The following MMACHC variants were observed in gnomAD, a reference collection of about 807,000 sequenced individuals.
MMACHC encodes cyanocobalamin reductase / alkylcobalamin dealkylase.
MMACHC carries 14 observed loss-of-function variants against 17.6 expected under a neutral mutation model. The observed-to-expected ratio is 0.80, with a 90% CI of 0.53 to 1.25. MMACHC has a LOEUF of 1.25. Ranked by LOEUF, MMACHC falls within the 50% of genes most tolerant of loss-of-function variation. The pLI is 0.00. For missense variants in MMACHC, 392 were observed against 364.5 expected, an observed-to-expected ratio of 1.08 and a Z score of -0.62; for synonymous variants, 151 against 142.1, an observed-to-expected ratio of 1.06 and a Z score of -0.45.
At position 45,511,147 on chromosome 1, in the gene MMACHC, C is replaced by T. The variant is rs1643735150; in HGVS notation, c.*1932C>T. ...AGCCTGCCCACAACGCCAACTCAGG[C>T]CATTCCTACCAAAGGAAGAAAGGCT... On this transcript the variant is annotated 3_prime_UTR_variant, in exon 4 of 4. Transcript: ENST00000401061. 1 of 563,750 alleles carries T rather than the reference C, an allele frequency of 1.8e-6. No homozygotes were observed. The highest frequency in any genetic ancestry group is 3.1e-6 in the Non-Finnish European group (1 of 319,896). The allele number at this position is 563,750 out of a possible 1,614,324, so 34.9% of individuals were successfully genotyped here. A position where few individuals can be genotyped will look rare whatever the true frequency, so the allele number is the denominator to read the frequency against.
chr1:45,509,281 A>C lies in MMACHC; in HGVS notation c.*66A>C, dbSNP rs1643693419. 1.3e-6 allele frequency: 2 copies of C among 1,575,916 alleles called. No individual in the cohort carries two copies. Among genetic ancestry groups the C allele is most frequent in the Non-Finnish European group, 8.7e-7 (1 of 1,146,304 alleles). ...AGGACTTAATTGGCTTTGGCAAAGCAAAAGGTTTTGAGTACAAGATTACTA... is the reference window on the plus strand; with the variant it reads ...AGGACTTAATTGGCTTTGGCAAAGCCAAAGGTTTTGAGTACAAGATTACTA... On this transcript the variant is annotated 3_prime_UTR_variant, in exon 4 of 4. Coordinates refer to ENST00000401061, the MANE Select transcript of MMACHC (RefSeq NM_015506.3).
intron 1 of MMACHC, among the ~76,000 whole-genome samples, chr1:45,504,596 A>C (rs1325939042): frequency 6.6e-6 from 1 of 151,892 alleles, no homozygotes; most frequent in East Asian, 1.9e-4. Context: ...GTGGTGGCTC[A>C]CACCTGTGGT....
In MMACHC at chr1:45,504,911, C is replaced by T. The variant is rs184665215; in HGVS notation, c.82-2445C>T. Among the ~76,000 whole-genome samples, 97 of 151,292 alleles carry T rather than the reference C, an allele frequency of 6.4e-4. 2 individuals carry two copies. Among genetic ancestry groups the T allele is most frequent in the African/African-American group, 2.2e-3 (92 of 41,190 alleles). ...GGCAGATCAGTTGAGGCCAGGTGTT[C>T]GAGACCAGCCTGGCCAACATGGCAA... On this transcript the variant is annotated intron_variant, in intron 1 of 3. Transcript: ENST00000401061.
Position 45,508,206 on chromosome 1 carries a change from T to C in MMACHC, c.277-6T>C. On this transcript the variant is annotated splice_region_variant and splice_polypyrimidine_tract_variant and intron_variant, in intron 2 of 3. Transcript: ENST00000401061. ...ACAGTACCCTCTATTTTGTCCACTG[T>C]TCCAGAGCCTCCCAGAGCTGCAGAT... The C allele has an allele frequency of 6.2e-7, 1 of 1,614,112 alleles. No homozygotes were observed. Among genetic ancestry groups the C allele is most frequent in the Non-Finnish European group, 8.5e-7 (1 of 1,179,976 alleles).
intron 1 of MMACHC, among the ~76,000 whole-genome samples, chr1:45,505,803 G>A (rs1360163961): frequency 6.6e-6 from 1 of 151,794 alleles, no homozygotes; most frequent in Non-Finnish European, 1.5e-5. Context: ...TCAGGAGGCT[G>A]AGGCAGGGGA....
chr1:45,508,851 GGGTA>G lies in MMACHC; in HGVS notation c.487_490del (p.Val163CysfsTer6). The G allele has an allele frequency of 6.2e-7, 1 of 1,614,148 alleles. No homozygotes were observed. The highest frequency in any genetic ancestry group is 8.5e-7 in the Non-Finnish European group (1 of 1,180,014). On this transcript the variant is annotated frameshift_variant, in exon 4 of 4. Coordinates refer to ENST00000401061, the MANE Select transcript of MMACHC (RefSeq NM_015506.3). LOFTEE classifies it low-confidence loss of function (END_TRUNC). ...TTTGGGGGCTGGTTTGCCATCCGAG[GGGTA>G]GTGCTGCTGCCAGGGATAGAGGTGC...
intron 3 of MMACHC, 72 bp from the exon 4 acceptor site, chr1:45,508,724 C>G (rs1364540741): frequency 6.5e-7 from 1 of 1,527,098 alleles, no homozygotes; most frequent in Non-Finnish European, 8.9e-7. Context: ...ACAGGCCTAG[C>G]TTGCAATGAT....
At chr1:45,507,242 CTGAA>C (rs1643634622) in intron 1 of MMACHC, 110 bp from the exon 2 acceptor site, 1 of 914,734 alleles carries the variant, frequency 1.1e-6, no homozygotes, top group East Asian at 2.7e-5. Flanking sequence ...TGAAAATTCA[CTGAA>C]TGAGTGAGAT....
chr1:45,504,953 A>C (rs1258576774), intron 1 of MMACHC, among the ~76,000 whole-genome samples: 2 of 151,692 alleles, frequency 1.3e-5, no homozygotes, highest in African/African-American at 4.8e-5. Context: ...ATCTCTACTA[A>C]AAATACAAAA....
At chr1:45,504,017 T>C (rs765002515) in intron 1 of MMACHC, among the ~76,000 whole-genome samples, 4 of 152,244 alleles carry the variant, frequency 2.6e-5, no homozygotes, top group Non-Finnish European at 4.4e-5. Context: ...ATTTCTTGGA[T>C]GTCCAGGCCA....
Position 45,508,413 on chromosome 1 carries a change from C to G in MMACHC, c.429+49C>G, listed in dbSNP as rs778016583. On this transcript the variant is annotated intron_variant, in intron 3 of 3. Transcript: ENST00000401061. ...GGCTGAGATAGACTGGTAAAGGCCT[C>G]TCCCTACCAGGTCCCACATTCCTCA... 2.3e-5 allele frequency: 37 copies of G among 1,599,574 alleles called. No individual in the cohort carries two copies. The Admixed American group carries it at 6.2e-4, about 27-fold the overall frequency.
At chr1:45,508,657 G>T in intron 3 of MMACHC, 139 bp from the exon 4 acceptor site, 1 of 1,086,958 alleles carries the variant, frequency 9.2e-7, no homozygotes, top group East Asian at 2.6e-5. Context: ...TTATGAAAGG[G>T]TTTGCCAAGA....
intron 1 of MMACHC, among the ~76,000 whole-genome samples, chr1:45,501,276 G>A (rs749057564): frequency 1.3e-5 from 2 of 152,174 alleles, no homozygotes; most frequent in Non-Finnish European, 2.9e-5. Context: ...CCATTTACAC[G>A]GTTACATTTC....
Position 45,508,362 on chromosome 1 carries a change from C to G in MMACHC, c.427C>G (p.Gln143Glu). 1 of 1,614,136 alleles carries G rather than the reference C, an allele frequency of 6.2e-7. No individual in the cohort carries two copies. Among genetic ancestry groups the G allele is most frequent in the Non-Finnish European group, 8.5e-7 (1 of 1,180,022 alleles). The change falls in exon 3 of 4, where the codon CAG becomes GAG. Residue 143 changes from glutamine (Q) to glutamate (E), a missense_variant and splice_region_variant. Physicochemically the swap from Gln to Glu is conservative, Grantham distance 29. Coordinates refer to ENST00000401061, the MANE Select transcript of MMACHC (RefSeq NM_015506.3). ...TGTGGAGGCTGACCCATGGGGGAACCAGGTGAGAGGGAAAATGTAAATAGA... is the reference window on the plus strand; with the variant it reads ...TGTGGAGGCTGACCCATGGGGGAACGAGGTGAGAGGGAAAATGTAAATAGA... ...QDVEADPWGN[Q>E]RISGVCIHPR...
At chr1:45,503,879 C>T (rs375733207) in intron 1 of MMACHC, among the ~76,000 whole-genome samples, 4 of 152,160 alleles carry the variant, frequency 2.6e-5, no homozygotes, top group Non-Finnish European at 5.9e-5. Context: ...CAGAAACCTC[C>T]ACAACTACGT....
At chr1:45,506,017 A>G (rs1484594203) in intron 1 of MMACHC, among the ~76,000 whole-genome samples, 2 of 152,096 alleles carry the variant, frequency 1.3e-5, no homozygotes, top group Non-Finnish European at 2.9e-5. Context: ...GATGCTCTGG[A>G]TATAGTAAAA....
chr1:45,507,594 G>C, intron 2 of MMACHC, 44 bp downstream of exon 2: 1 of 1,602,888 alleles, frequency 6.2e-7, no homozygotes, highest in South Asian at 1.1e-5. Context: ...ACCTACAGCT[G>C]CCTCCAGTTC....
chr1:45,504,647 G>A (rs191422618), intron 1 of MMACHC, among the ~76,000 whole-genome samples: 1 of 152,174 alleles, frequency 6.6e-6, no homozygotes, highest in East Asian at 1.9e-4. Flanking sequence ...ATTGCTTGAG[G>A]GAGGGAGGTT....
chr1:45,506,318 T>C (rs1415758458), intron 1 of MMACHC, among the ~76,000 whole-genome samples: 2 of 152,110 alleles, frequency 1.3e-5, no homozygotes, highest in African/African-American at 4.8e-5. Flanking sequence ...CTTTGAGAAA[T>C]CTCCGATCTT....
Sources: gnomAD v4.1 joint callset for allele counts (sites outside exome capture counted in the v4.1 genomes callset) on GRCh38, gnomAD v4.1.1 for gene constraint, MANE v1.5 for transcripts, NCBI Gene and HGNC (gene_info 2026-07-23, HGNC 2026-07-21) for gene names.